The following CPVL variants were observed in gnomAD, a reference collection of about 807,000 sequenced individuals.
The protein encoded by CPVL is carboxypeptidase vitellogenic like.
CPVL carries 51 observed loss-of-function variants against 63.7 expected under a neutral mutation model. The observed-to-expected ratio is 0.80, with a 90% CI of 0.64 to 1.01. The LOEUF is 1.01. Among genes scored for constraint, CPVL ranks in the 50% least tolerant of loss-of-function variants. The pLI is 0.00. For synonymous variants in CPVL, 195 were observed against 206.0 expected (o/e 0.95, Z 0.46); for missense variants, 530 against 573.1 (o/e 0.92, Z 0.77).
At chr7:29,042,911 C>G (rs547557173) in intron 11 of CPVL, among the ~76,000 whole-genome samples, 1 of 152,334 alleles carries the variant, frequency 6.6e-6, no homozygotes, top group Non-Finnish European at 1.5e-5. Context: ...GGGAGCAGAG[C>G]ATTCCGCAAA....
At chr7:28,995,224 C>T (rs1012090), downstream of CPVL, 131,115 of 152,404 alleles carry the variant, frequency 0.86, 57,062 homozygotes, top group African/African-American at 0.95. Context: ...CAAGAATTGA[C>T]TCATCATTAC....
upstream of CPVL, among the ~76,000 whole-genome samples, chr7:29,150,904 C>A (rs150595943): frequency 6.6e-6 from 1 of 152,244 alleles, no homozygotes; most frequent in African/African-American, 2.4e-5. Context: ...AGGAACGAAG[C>A]CAGATGTGTC....
chr7:29,095,139 C>G lies in CPVL; in HGVS notation c.407G>C (p.Arg136Pro), dbSNP rs376539416. 1.9e-6 allele frequency: 3 copies of G among 1,613,304 alleles called. No homozygotes were observed. The African/African-American group carries it at 4.0e-5, about 22-fold the overall frequency. ...TGTGGTCCAGGGGAAGTCTCTGTCA[C>G]GCACTGTGAAAACAAAGAAGAGGGG... ...PYVVTSNMTLRDRDFPWTTTL... is the reference protein window; with the variant it reads ...PYVVTSNMTLPDRDFPWTTTL... Residue 136 changes from arginine (R) to proline (P), a missense_variant, in exon 5 of 13, where the codon CGT (arginine) becomes CCT (proline). Physicochemically the swap from Arg to Pro is moderately radical, Grantham distance 103. Coordinates refer to ENST00000265394, the MANE Select transcript of CPVL (RefSeq NM_031311.5).
chr7:29,077,873 T>C (rs916253739), intron 7 of CPVL, among the ~76,000 whole-genome samples: 9 of 152,168 alleles, frequency 5.9e-5, no homozygotes, highest in Admixed American at 1.3e-4. Flanking sequence ...ATGGGCACCA[T>C]GAGGGCAAGA....
At chr7:29,113,372 A>G (rs1788444929) in intron 2 of CPVL, among the ~76,000 whole-genome samples, 1 of 152,044 alleles carries the variant, frequency 6.6e-6, no homozygotes, top group Non-Finnish European at 1.5e-5. Flanking sequence ...CATTGGGGAA[A>G]GGTGGACAGT....
upstream of CPVL, among the ~76,000 whole-genome samples, chr7:29,149,044 C>T (rs919459910): frequency 2.0e-4 from 31 of 152,150 alleles, no homozygotes; most frequent in Admixed American, 1.2e-3. Flanking sequence ...ATGGACTGTG[C>T]GACACCAGGC....
At chr7:29,107,332 C>A (rs191728150) in intron 3 of CPVL, among the ~76,000 whole-genome samples, 1 of 152,198 alleles carries the variant, frequency 6.6e-6, no homozygotes, top group African/African-American at 2.4e-5. Flanking sequence ...ACCACACAGG[C>A]CACACGTTCA....
At chr7:29,193,879 G>A (rs940811739) in intron 1 of CPVL, 1 of 152,200 alleles carries the variant, frequency 6.6e-6, no homozygotes, top group Admixed American at 6.5e-5. Flanking sequence ...TTCTTTGAAG[G>A]CCAACCTCAG....
upstream of CPVL, chr7:29,146,745 G>T: frequency 6.5e-7 from 1 of 1,550,346 alleles, no homozygotes; most frequent in Non-Finnish European, 8.7e-7. Flanking sequence ...GTGCCATTCA[G>T]GTTGGTTTGT....
At chr7:29,146,213 C>T (rs1208952876) in intron 1 of CPVL, 1 of 173,284 alleles carries the variant, frequency 5.8e-6, no homozygotes, top group Non-Finnish European at 1.2e-5. Flanking sequence ...AGAGTATTCC[C>T]TCGGCTGGGC....
intron 7 of CPVL, among the ~76,000 whole-genome samples, chr7:29,076,720 T>A (rs1440576664): frequency 1.3e-5 from 2 of 152,212 alleles, no homozygotes; most frequent in Admixed American, 6.5e-5. Flanking sequence ...ACCAGAGGTA[T>A]TAGGGTGTGT....
At chr7:29,094,354 TA>T (rs926330091) in intron 5 of CPVL, among the ~76,000 whole-genome samples, 25 of 144,628 alleles carry the variant, frequency 1.7e-4, no homozygotes, top group South Asian at 4.3e-4. Flanking sequence ...AAATAAAAAT[TA>T]AAAAAAAAAA....
Position 29,146,428 on chromosome 7 carries a change from C to G in CPVL, c.-11+1G>C, listed in dbSNP as rs570153400. On this transcript the variant is annotated splice_donor_variant, in intron 1 of 12. Transcript: ENST00000265394. LOFTEE classifies it low-confidence loss of function (5UTR_SPLICE). ...ACCCACGCAGGGCAGGCGGCACTTA[C>G]GCGGCGCAGTCGGTGCTCCTCCCTG... The G allele has an allele frequency of 1.7e-5, 20 of 1,163,288 alleles. 1 individual carries two copies. Among genetic ancestry groups the G allele is most frequent in the South Asian group, 5.1e-5 (3 of 58,672 alleles). 72.1% of individuals were successfully genotyped at this position (1,163,288 alleles called of 1,614,324 possible).
intron 1 of CPVL, among the ~76,000 whole-genome samples, chr7:29,145,347 T>C (rs1792400650): frequency 6.6e-6 from 1 of 152,040 alleles, no homozygotes; most frequent in African/African-American, 2.4e-5. Context: ...CATTTACTGA[T>C]GCCAAAACTG....
At chr7:29,166,171 C>T (rs140568328) in intron 5 of CPVL, among the ~76,000 whole-genome samples, 20 of 152,184 alleles carry the variant, frequency 1.3e-4, no homozygotes, top group African/African-American at 2.9e-4. Flanking sequence ...GCTAGGACCA[C>T]GGGTGTGTGC....
chr7:29,037,182 A>G (rs2128160039), intron 11 of CPVL, among the ~76,000 whole-genome samples: 1 of 152,288 alleles, frequency 6.6e-6, no homozygotes, highest in South Asian at 2.1e-4. Context: ...GACCCCTGCC[A>G]CTAACTGGCA....
intron 9 of CPVL, among the ~76,000 whole-genome samples, chr7:29,069,596 T>C (rs1336107761): frequency 6.6e-6 from 1 of 152,202 alleles, no homozygotes; most frequent in East Asian, 1.9e-4. Flanking sequence ...TCTTGCAGAA[T>C]ATCTAAGACG....
chr7:29,032,255 C>A (rs1056840871), intron 11 of CPVL, among the ~76,000 whole-genome samples: 2 of 151,994 alleles, frequency 1.3e-5, no homozygotes, highest in African/African-American at 4.8e-5. Flanking sequence ...AGGACTTTTA[C>A]ACACTCCAAA....
intron 7 of CPVL, among the ~76,000 whole-genome samples, chr7:29,083,802 T>G (rs1784959708): frequency 6.6e-6 from 1 of 152,176 alleles, no homozygotes; most frequent in Admixed American, 6.5e-5. Flanking sequence ...ACACCCTTAT[T>G]TATCCTTCAA....
Sources: gnomAD v4.1 joint callset for allele counts (sites outside exome capture counted in the v4.1 genomes callset) on GRCh38, gnomAD v4.1.1 for gene constraint, MANE v1.5 for transcripts, NCBI Gene and HGNC (gene_info 2026-07-23, HGNC 2026-07-21) for gene names.